ADAM20: variants seen among roughly 807,000 people sequenced by gnomAD.
ADAM20 encodes the protein disintegrin and metalloproteinase domain-containing protein 20.
For missense variants in ADAM20, 871 were observed against 883.2 expected (o/e 0.99, Z 0.18); for synonymous variants, 305 against 310.2 (o/e 0.98, Z 0.18).
chr14:70,523,317 T>A lies in ADAM20; in HGVS notation c.1441A>T (p.Thr481Ser), dbSNP rs61744296. Reference sequence around the variant, plus strand: ...ACATCATCTGGGCATTGATGGGATGTCCCATTGCACCACTCTGGAAGGTCA... The same window carrying A: ...ACATCATCTGGGCATTGATGGGATGACCCATTGCACCACTCTGGAAGGTCA... ...ECDLPEWCNG[T>S]SHQCPDDVYV... The change falls in exon 2 of 2, where the codon ACA becomes TCA. Residue 481 changes from threonine to serine, a missense_variant. Thr to Ser is a moderately conservative substitution (Grantham distance 58, BLOSUM62 1). Coordinates refer to ENST00000256389, the MANE Select transcript of ADAM20 (RefSeq NM_003814.5). 2.2e-5 allele frequency: 35 copies of A among 1,613,938 alleles called. No individual in the cohort carries two copies. The Admixed American group carries it at 5.7e-4, about 26-fold the overall frequency.
At chr14:70,545,857 C>T in the ADAM20 span, among the ~76,000 whole-genome samples, 4 of 152,160 alleles carry the variant, frequency 2.6e-5, no homozygotes, top group African/African-American at 9.7e-5. Context: ...CAGTATGGAT[C>T]AAATGGACCC....
chr14:70,535,548 T>C (rs889623852), upstream of ADAM20, among the ~76,000 whole-genome samples: 4 of 152,190 alleles, frequency 2.6e-5, no homozygotes, highest in Non-Finnish European at 4.4e-5. Context: ...CTGAGAAGTC[T>C]ATGCACCTCA....
upstream of ADAM20, among the ~76,000 whole-genome samples, chr14:70,535,271 T>C (rs897015399): frequency 1.3e-5 from 2 of 152,214 alleles, no homozygotes; most frequent in Non-Finnish European, 2.9e-5. Flanking sequence ...GAGCTTATAA[T>C]GGTGGACCTA....
At chr14:70,545,292 T>C in the ADAM20 span, among the ~76,000 whole-genome samples, 1 of 152,190 alleles carries the variant, frequency 6.6e-6, no homozygotes, top group Non-Finnish European at 1.5e-5. Context: ...ATTGCTGACA[T>C]GACCCTTCCC....
At chr14:70,542,662 G>T in the ADAM20 span, among the ~76,000 whole-genome samples, 1 of 152,230 alleles carries the variant, frequency 6.6e-6, no homozygotes, top group African/African-American at 2.4e-5. Flanking sequence ...CCTATGTCCA[G>T]GCATGGTGGC....
In ADAM20 at chr14:70,523,426, C is replaced by T. The variant is rs1273703301; in HGVS notation, c.1332G>A (p.Gly444=). 1.9e-6 allele frequency: 3 copies of T among 1,613,876 alleles called. No individual in the cohort carries two copies. In the Admixed American group the frequency reaches 5.0e-5, roughly 27 times the overall value. Residue 444 remains glycine (G), a synonymous_variant, in exon 2 of 2, where the codon GGG becomes GGA. Transcript: ENST00000256389. ...CCLLNCTLHP[G]AACAFGICCK... is the part of the protein sequence containing the mutation. ...AACATATTCCAAAAGCACAAGCAGC[C>T]CCAGGATGTAGAGTACAGTTTAACA...
rs1183079364 is a variant in ADAM20, at chr14:70,523,187, C to T, written c.1571G>A (p.Arg524Lys). 1.2e-6 allele frequency: 2 copies of T among 1,613,994 alleles called. No individual in the cohort carries two copies. Among genetic ancestry groups the T allele is most frequent in the East Asian group, 4.5e-5 (2 of 44,874 alleles). ...TTGGTAGCAACTCTGAGATGCACTC[C>T]TTGCATCTTGGCCAAAAATCTCTTT... ...QCKEIFGQDA[R>K]SASQSCYQEI... is the part of the protein sequence containing the mutation. Residue 524 changes from arginine to lysine, a missense_variant, in exon 2 of 2, where the codon AGG (arginine) becomes AAG (lysine). Arg to Lys is a conservative substitution (Grantham distance 26). Transcript: ENST00000256389.
At chr14:70,530,293 C>T (rs1883683880) in intron 1 of ADAM20, among the ~76,000 whole-genome samples, 1 of 152,112 alleles carries the variant, frequency 6.6e-6, no homozygotes, top group South Asian at 2.1e-4. Flanking sequence ...CATATCTTGT[C>T]CCATTGGAAG....
the ADAM20 span, among the ~76,000 whole-genome samples, chr14:70,566,222 T>C: frequency 6.6e-6 from 1 of 152,116 alleles, no homozygotes; most frequent in African/African-American, 2.4e-5. Context: ...ATATAAATGT[T>C]AAAAGACAAA....
At chr14:70,530,172 A>C (rs1883680907) in intron 1 of ADAM20, among the ~76,000 whole-genome samples, 1 of 152,172 alleles carries the variant, frequency 6.6e-6, no homozygotes, top group African/African-American at 2.4e-5. Context: ...TATTTTTAAA[A>C]TTATTTTTTC....
chr14:70,567,237 C>A, the ADAM20 span, among the ~76,000 whole-genome samples: 7 of 152,246 alleles, frequency 4.6e-5, no homozygotes, highest in South Asian at 1.5e-3. Context: ...AGGGTTTCTC[C>A]GCCCTTGAGT....
Position 70,524,178 on chromosome 14 carries a change from G to C in ADAM20, c.580C>G (p.Leu194Val), listed in dbSNP as rs1417768101. ...CAGCCCACAAAAGAACTTTGCTTCA[G>C]AGTGAAATTATATGACAATTGCAAC... is the stretch of plus-strand genomic sequence containing the variant. ...MELQLSYNFT[L>V]KQSSFVGWWT... Residue 194 changes from leucine to valine, a missense_variant, in exon 2 of 2, where the codon CTG becomes GTG. Coordinates refer to ENST00000256389, the MANE Select transcript of ADAM20 (RefSeq NM_003814.5). The C allele has an allele frequency of 6.2e-7, 1 of 1,613,834 alleles. No individual in the cohort carries two copies. Among genetic ancestry groups the C allele is most frequent in the Admixed American group, 1.7e-5 (1 of 59,950 alleles).
At chr14:70,546,672 A>T in the ADAM20 span, among the ~76,000 whole-genome samples, 1 of 152,196 alleles carries the variant, frequency 6.6e-6, no homozygotes, top group Non-Finnish European at 1.5e-5. Context: ...GGGGTCCAAG[A>T]TACTTTCCTT....
At chr14:70,528,515 G>T (rs1445575194) in intron 1 of ADAM20, among the ~76,000 whole-genome samples, 1 of 152,102 alleles carries the variant, frequency 6.6e-6, no homozygotes, top group Non-Finnish European at 1.5e-5. Flanking sequence ...AATGTATAGG[G>T]GGTTGAACTG....
chr14:70,557,037 T>A, the ADAM20 span: 1 of 152,158 alleles, frequency 6.6e-6, no homozygotes, highest in Admixed American at 6.5e-5. Context: ...TACAAGGAGA[T>A]CATTTCAGTC....
chr14:70,539,841 G>A (rs1367179053), upstream of ADAM20, among the ~76,000 whole-genome samples: 1 of 152,044 alleles, frequency 6.6e-6, no homozygotes, highest in Non-Finnish European at 1.5e-5. Context: ...ACCTACCCCT[G>A]CCCTCACTAA....
At chr14:70,556,860 A>G in the ADAM20 span, 1 of 152,206 alleles carries the variant, frequency 6.6e-6, no homozygotes, top group Non-Finnish European at 1.5e-5. Flanking sequence ...AAACAAAAAG[A>G]AAGTGCGAGG....
the ADAM20 span, among the ~76,000 whole-genome samples, chr14:70,554,118 A>G: frequency 2.0e-5 from 3 of 152,222 alleles, no homozygotes; most frequent in African/African-American, 4.8e-5. Flanking sequence ...TTTCTATATG[A>G]TAACAGTGAA....
upstream of ADAM20, among the ~76,000 whole-genome samples, chr14:70,536,961 A>AG (rs201978784): frequency 6.7e-6 from 1 of 149,392 alleles, no homozygotes; most frequent in Non-Finnish European, 1.5e-5. Flanking sequence ...AAAAAAAAAA[A>AG]TTGTCCAGAA....
Sources: allele counts gnomAD v4.1 joint callset (sites outside exome capture counted in the v4.1 genomes callset), GRCh38; gene constraint gnomAD v4.1.1; transcripts MANE v1.5; gene names NCBI Gene and HGNC (gene_info 2026-07-23, HGNC 2026-07-21).